Variants in SLCO6A1 observed in about 807,000 individuals in gnomAD.
SLCO6A1 encodes solute carrier organic anion transporter family member 6A1.
In SLCO6A1, 65 loss-of-function variants were observed where a neutral mutation model predicts 72.7. The observed-to-expected ratio is 0.89, with a 90% confidence interval of 0.73 to 1.10. The LOEUF (loss-of-function observed/expected upper bound fraction) is 1.10, where lower values mean the gene tolerates loss of function less well. SLCO6A1 is among the 50% of genes least tolerant of loss of function. The probability of loss-of-function intolerance (pLI) is 0.00; values close to 1 mark genes in which losing one functional copy is unlikely to be tolerated. For synonymous variants in SLCO6A1, 314 were observed against 298.2 expected (o/e 1.05, Z -0.55); for missense variants, 874 against 872.6 (o/e 1.00, Z -0.02).
chr5:102,444,638 CTCTTT>C (rs1365865691), intron 6 of SLCO6A1, among the ~76,000 whole-genome samples: 1 of 152,090 alleles, frequency 6.6e-6, no homozygotes, highest in Non-Finnish European at 1.5e-5. Flanking sequence ...GGCATTTCAC[CTCTTT>C]TATTTTCAGA....
intron 7 of SLCO6A1, among the ~76,000 whole-genome samples, chr5:102,434,218 A>G (rs1749378933): frequency 6.6e-6 from 1 of 152,106 alleles, no homozygotes; most frequent in South Asian, 2.1e-4. Flanking sequence ...AATAATAAGG[A>G]TAGTATTTCC....
chr5:102,471,703 G>A (rs1751618279), intron 4 of SLCO6A1, among the ~76,000 whole-genome samples: 1 of 151,864 alleles, frequency 6.6e-6, no homozygotes, highest in South Asian at 2.1e-4. Flanking sequence ...CATAGTTCTG[G>A]AACCCTATTG....
At chr5:102,410,377 G>T (rs1398102037) in intron 9 of SLCO6A1, among the ~76,000 whole-genome samples, 1 of 152,156 alleles carries the variant, frequency 6.6e-6, no homozygotes, top group Non-Finnish European at 1.5e-5. Context: ...ACCTCAGAGG[G>T]GAGGTAGTGC....
At chr5:102,482,717 A>T (rs977456293) in intron 1 of SLCO6A1, among the ~76,000 whole-genome samples, 1 of 152,182 alleles carries the variant, frequency 6.6e-6, no homozygotes, top group Non-Finnish European at 1.5e-5. Flanking sequence ...ATTAGAAGCA[A>T]TGTGTTGGTA....
At chr5:102,402,332 A>G (rs1200715551) in intron 9 of SLCO6A1, among the ~76,000 whole-genome samples, 2 of 152,180 alleles carry the variant, frequency 1.3e-5, no homozygotes, top group Non-Finnish European at 2.9e-5. Flanking sequence ...ACCAGGGCCT[A>G]AAATCCTCAA....
chr5:102,389,158 T>C (rs1746590948), intron 11 of SLCO6A1, among the ~76,000 whole-genome samples: 1 of 152,202 alleles, frequency 6.6e-6, no homozygotes. Flanking sequence ...AGATACCAAA[T>C]ACTGATTCTG....
chr5:102,426,163 A>G (rs1748880282), intron 7 of SLCO6A1, among the ~76,000 whole-genome samples: 1 of 152,148 alleles, frequency 6.6e-6, no homozygotes, highest in South Asian at 2.1e-4. Flanking sequence ...AACCATAAAA[A>G]CCCTAGAGGA....
intron 1 of SLCO6A1, among the ~76,000 whole-genome samples, chr5:102,491,084 CA>C (rs1271753415): frequency 6.6e-6 from 1 of 152,092 alleles, no homozygotes; most frequent in Non-Finnish European, 1.5e-5. Flanking sequence ...TCCATGTCCC[CA>C]CTAGATTAGC....
At chr5:102,414,548 A>C (rs1434789378) in intron 8 of SLCO6A1, among the ~76,000 whole-genome samples, 1 of 152,208 alleles carries the variant, frequency 6.6e-6, no homozygotes, top group Non-Finnish European at 1.5e-5. Flanking sequence ...TCAGTGTAGA[A>C]AATTAACATA....
At chr5:102,459,906 T>A (rs999407099) in intron 4 of SLCO6A1, 129 bp from the exon 5 acceptor site, 13 of 713,136 alleles carry the variant, frequency 1.8e-5, no homozygotes, top group Admixed American at 1.5e-4. Flanking sequence ...AAATGGAACT[T>A]TTTTTGTTAA....
At position 102,385,474 on chromosome 5, in the gene SLCO6A1, A is replaced by G. The variant is rs188005666; in HGVS notation, c.2017+3214T>C. On this transcript the variant is annotated intron_variant, in intron 12 of 13. Coordinates refer to ENST00000506729, the MANE Select transcript of SLCO6A1 (RefSeq NM_173488.5). ...TGCTTCATGGTGTTCTGTAATTCCA[A>G]TAGGCTTTCTTCACTGTTTTGTATT... Among the ~76,000 whole-genome samples the G allele has an allele frequency of 1.5e-3, 229 of 152,170 alleles. 1 individual carries two copies. Among genetic ancestry groups the G allele is most frequent in the East Asian group, 1.9e-4 (1 of 5,176 alleles).
intron 4 of SLCO6A1, among the ~76,000 whole-genome samples, chr5:102,474,634 G>A (rs1305991718): frequency 5.3e-5 from 8 of 151,992 alleles, no homozygotes; most frequent in African/African-American, 2.4e-5. Flanking sequence ...AAGTGAAAAG[G>A]CAACCTGCAG....
chr5:102,424,520 G>T (rs369408321), intron 7 of SLCO6A1, among the ~76,000 whole-genome samples: 1 of 152,110 alleles, frequency 6.6e-6, no homozygotes, highest in African/African-American at 2.4e-5. Flanking sequence ...AGAAAATCGA[G>T]AATAAACTGA....
At chr5:102,493,427 C>A (rs1752775215) in intron 1 of SLCO6A1, among the ~76,000 whole-genome samples, 1 of 152,048 alleles carries the variant, frequency 6.6e-6, no homozygotes, top group Non-Finnish European at 1.5e-5. Flanking sequence ...CAGGAAAAAG[C>A]ACATGATAAA....
chr5:102,477,234 G>A (rs563459680), intron 3 of SLCO6A1, among the ~76,000 whole-genome samples: 8 of 152,174 alleles, frequency 5.3e-5, no homozygotes, highest in Admixed American at 5.2e-4. Context: ...CAAGTCTCCT[G>A]CCTCAGCCTC....
chr5:102,444,354 T>C (rs1362970013), intron 6 of SLCO6A1, among the ~76,000 whole-genome samples: 1 of 152,102 alleles, frequency 6.6e-6, no homozygotes, highest in Non-Finnish European at 1.5e-5. Context: ...CTAATCAAGT[T>C]TGCATGGCAG....
intron 8 of SLCO6A1, among the ~76,000 whole-genome samples, chr5:102,417,738 ATTTC>A (rs1362380716): frequency 6.6e-6 from 1 of 152,090 alleles, no homozygotes; most frequent in Non-Finnish European, 1.5e-5. Flanking sequence ...GGTATCATTT[ATTTC>A]TGACTGAAAG....
At chr5:102,476,806 C>A (rs1751923455) in intron 3 of SLCO6A1, among the ~76,000 whole-genome samples, 1 of 152,018 alleles carries the variant, frequency 6.6e-6, no homozygotes, top group South Asian at 2.1e-4. Context: ...GCACCCTTCA[C>A]CTTAGCTACC....
intron 7 of SLCO6A1, among the ~76,000 whole-genome samples, chr5:102,433,986 C>T (rs573418369): frequency 6.6e-6 from 1 of 152,158 alleles, no homozygotes; most frequent in Non-Finnish European, 1.5e-5. Flanking sequence ...TATCCTTTCA[C>T]TTTCAACCTT....
Sources: gnomAD v4.1 joint callset for allele counts (sites outside exome capture counted in the v4.1 genomes callset) on GRCh38, gnomAD v4.1.1 for gene constraint, MANE v1.5 for transcripts, NCBI Gene and HGNC (gene_info 2026-07-23, HGNC 2026-07-21) for gene names.